ADGRL2: variants seen among roughly 807,000 people sequenced by gnomAD.
The protein encoded by ADGRL2 is calcium-independent alpha-latrotoxin receptor 2.
In ADGRL2, 44 loss-of-function variants were observed where a neutral mutation model predicts 157.4. That is an observed-to-expected ratio of 0.28 (90% CI 0.22 to 0.36). ADGRL2 has a LOEUF of 0.36. ADGRL2 is among the 10% of genes least tolerant of loss of function. The pLI is 1.00. For synonymous variants in ADGRL2, 585 were observed against 624.7 expected, an observed-to-expected ratio of 0.94 and a Z score of 0.95; for missense variants, 1,510 against 1,768.9, an observed-to-expected ratio of 0.85 and a Z score of 2.63.
intron 3 of ADGRL2, among the ~76,000 whole-genome samples, chr1:81,690,095 G>A (rs1005779012): frequency 1.8e-4 from 27 of 152,136 alleles, no homozygotes; most frequent in Non-Finnish European, 3.4e-4. Context: ...TGAGAAGCAG[G>A]GATTGACTAC....
chr1:81,728,929 C>T (rs1030117421), intron 1 of ADGRL2, among the ~76,000 whole-genome samples: 2 of 152,074 alleles, frequency 1.3e-5, no homozygotes, highest in Non-Finnish European at 2.9e-5. Context: ...TGCTATGACC[C>T]TAGGGAAGGA....
intron 3 of ADGRL2, among the ~76,000 whole-genome samples, chr1:81,686,313 G>A (rs2083227610): frequency 6.6e-6 from 1 of 152,090 alleles, no homozygotes; most frequent in African/African-American, 2.4e-5. Flanking sequence ...CAATCTTGCT[G>A]CTTGTTATTG....
chr1:81,811,437 A>AGGGG (rs2089858380), intron 1 of ADGRL2, among the ~76,000 whole-genome samples: 1 of 151,492 alleles, frequency 6.6e-6, no homozygotes, highest in African/African-American at 2.4e-5. Flanking sequence ...TAAGGGAGAG[A>AGGGG]GGGGCATCAG....
chr1:81,802,691 G>A (rs780316679), intron 1 of ADGRL2, among the ~76,000 whole-genome samples: 3 of 152,112 alleles, frequency 2.0e-5, no homozygotes, highest in Non-Finnish European at 4.4e-5. Context: ...GCTGGGGCCC[G>A]GGGCCACCCC....
chr1:81,684,146 C>T (rs2083181516), intron 3 of ADGRL2, among the ~76,000 whole-genome samples: 1 of 152,076 alleles, frequency 6.6e-6, no homozygotes, highest in Admixed American at 6.5e-5. Context: ...TGGGTAGATA[C>T]CCAGTAGTGG....
chr1:81,436,820 G>C (rs2077418251), intron 1 of ADGRL2, among the ~76,000 whole-genome samples: 1 of 152,178 alleles, frequency 6.6e-6, no homozygotes, highest in African/African-American at 2.4e-5. Context: ...CAATTATATA[G>C]GGCTTCATCT....
chr1:81,654,562 G>T (rs541372606), intron 3 of ADGRL2, among the ~76,000 whole-genome samples: 1 of 152,226 alleles, frequency 6.6e-6, no homozygotes, highest in South Asian at 2.1e-4. Context: ...ACATATAATT[G>T]TGAGCTGCCA....
At chr1:81,500,495 T>C (rs2078823286) in intron 2 of ADGRL2, among the ~76,000 whole-genome samples, 2 of 152,160 alleles carry the variant, frequency 1.3e-5, no homozygotes. Context: ...TTCTGACCCA[T>C]GCTACAATGT....
chr1:81,718,727 G>T (rs2084199860), intron 1 of ADGRL2, among the ~76,000 whole-genome samples: 1 of 152,200 alleles, frequency 6.6e-6, no homozygotes. Context: ...AAAGCAGTTG[G>T]TATGACAGTT....
chr1:81,747,176 C>CGT lies in ADGRL2; in HGVS notation c.-142-14635_-142-14634insGT, dbSNP rs1488041033. 4.9e-5 allele frequency among the ~76,000 whole-genome samples: 6 copies of CGT among 122,598 alleles called. No individual in the cohort carries two copies. In the South Asian group the frequency reaches 1.1e-3, roughly 22 times the overall value. 80.4% of individuals were successfully genotyped at this position (122,598 alleles called of 152,430 possible). A position where few individuals can be genotyped will look rare whatever the true frequency, so the allele number is the denominator to read the frequency against. On this transcript the variant is annotated intron_variant, in intron 1 of 20. Transcript: ENST00000359929. The stretch of plus-strand genomic sequence containing the variant: ...GTATATATGTATGTGTGTATATATA[C>CGT]ATATATGTATGTGTGTATGCATGTA...
rs558998599 is a variant in ADGRL2, at chr1:81,470,018, C to T, written c.-248+24929C>T. Among the ~76,000 whole-genome samples the T allele has an allele frequency of 2.6e-5, 4 of 152,296 alleles. No individual in the cohort carries two copies. The South Asian group carries it at 8.3e-4, about 32-fold the overall frequency. ...GCTTCTGCAGAGGGCGATTCTGCAACATGGATGACCAAGAGTCTCTCTAGA... is the reference window on the plus strand; with the variant it reads ...GCTTCTGCAGAGGGCGATTCTGCAATATGGATGACCAAGAGTCTCTCTAGA... On this transcript the variant is annotated intron_variant, in intron 2 of 24. Coordinates refer to the ADGRL2 transcript ENST00000370721.
intron 3 of ADGRL2, among the ~76,000 whole-genome samples, chr1:81,911,316 T>G (rs2094716357): frequency 6.6e-6 from 1 of 151,618 alleles, no homozygotes; most frequent in Admixed American, 6.6e-5. Context: ...AGATAATTGT[T>G]GGGGGGGGCA....
chr1:81,716,289 C>A (rs2084114463), intron 1 of ADGRL2, among the ~76,000 whole-genome samples: 1 of 152,134 alleles, frequency 6.6e-6, no homozygotes, highest in Non-Finnish European at 1.5e-5. Context: ...TTTGCATGAC[C>A]TTAAGCAGCT....
chr1:81,693,569 G>A (rs1477453549), intron 3 of ADGRL2, among the ~76,000 whole-genome samples: 8 of 152,262 alleles, frequency 5.3e-5, no homozygotes, highest in African/African-American at 1.7e-4. Flanking sequence ...GAATGGCATC[G>A]AGCCACATTT....
intron 1 of ADGRL2, among the ~76,000 whole-genome samples, chr1:81,394,070 T>C (rs2076609289): frequency 6.6e-6 from 1 of 152,088 alleles, no homozygotes; most frequent in Admixed American, 6.6e-5. Context: ...GGAATTACAA[T>C]ATGTAGTTGC....
At chr1:81,349,043 C>T (rs1474205889) in intron 1 of ADGRL2, among the ~76,000 whole-genome samples, 1 of 151,966 alleles carries the variant, frequency 6.6e-6, no homozygotes, top group Non-Finnish European at 1.5e-5. Flanking sequence ...ACACTTAAAC[C>T]ATATATATAT....
intron 2 of ADGRL2, among the ~76,000 whole-genome samples, chr1:81,495,835 T>A (rs1387921595): frequency 6.6e-6 from 1 of 152,190 alleles, no homozygotes; most frequent in East Asian, 1.9e-4. Context: ...CCTGATAAGT[T>A]TGTCATTGGT....
In ADGRL2 at chr1:81,389,575, C is replaced by T. The variant is rs746056450; in HGVS notation, c.-301-55461C>T. Reference sequence around the variant, plus strand: ...AAATGACATAGGCAACGAATGATTTCGGGTATTATTGAAAGAGGCCTGGAT... The same window carrying T: ...AAATGACATAGGCAACGAATGATTTTGGGTATTATTGAAAGAGGCCTGGAT... On this transcript the variant is annotated intron_variant, in intron 1 of 24. Transcript: ENST00000370721. 6.6e-5 allele frequency among the ~76,000 whole-genome samples: 10 copies of T among 152,154 alleles called. No individual in the cohort carries two copies. The Middle Eastern group carries it at 0.014, about 208-fold the overall frequency.
At chr1:81,664,125 A>G (rs1468707126) in intron 3 of ADGRL2, among the ~76,000 whole-genome samples, 1 of 152,104 alleles carries the variant, frequency 6.6e-6, no homozygotes, top group African/African-American at 2.4e-5. Flanking sequence ...TTATTTCTAA[A>G]TTATCCAGAT....
Sources: gnomAD v4.1 joint callset for allele counts (sites outside exome capture counted in the v4.1 genomes callset) on GRCh38, gnomAD v4.1.1 for gene constraint, MANE v1.5 for transcripts, NCBI Gene and HGNC (gene_info 2026-07-23, HGNC 2026-07-21) for gene names.